RYR2: variants seen among roughly 807,000 people sequenced by gnomAD.
The protein encoded by RYR2 is cardiac muscle ryanodine receptor-calcium release channel.
In RYR2, 227 loss-of-function variants were observed where a neutral mutation model predicts 601.1. That is an observed-to-expected ratio of 0.38 (90% CI 0.34 to 0.42). RYR2 has a LOEUF of 0.42. Ranked by LOEUF, RYR2 falls within the 10% of genes least tolerant of loss-of-function variation. The pLI is 1.00. For synonymous variants in RYR2, 2,223 were observed against 2,175.1 expected (o/e 1.02, Z -0.61); for missense variants, 4,646 against 6,156.5 (o/e 0.75, Z 8.21).
chr1:237,469,008 A>G (rs1660385834), intron 16 of RYR2, 84 bp from the exon 17 acceptor site: 1 of 1,078,834 alleles, frequency 9.3e-7, no homozygotes, highest in East Asian at 2.4e-5. Flanking sequence ...TTCTTGATCC[A>G]ATATTTTAGG....
intron 1 of RYR2, among the ~76,000 whole-genome samples, chr1:237,176,324 A>G (rs1416082338): frequency 6.7e-6 from 1 of 149,374 alleles, no homozygotes; most frequent in Non-Finnish European, 1.5e-5. Context: ...ACTCTGGCAC[A>G]TAGCAAATAT....
intron 23 of RYR2, among the ~76,000 whole-genome samples, chr1:237,508,482 T>C (rs1201312296): frequency 6.7e-6 from 1 of 148,542 alleles, no homozygotes; most frequent in Non-Finnish European, 1.5e-5. Context: ...ACAAACAAAA[T>C]GTAAAACAAA....
At chr1:237,824,378 C>T (rs1364637239) in intron 101 of RYR2, among the ~76,000 whole-genome samples, 1 of 152,142 alleles carries the variant, frequency 6.6e-6, no homozygotes, top group East Asian at 1.9e-4. Context: ...TCAACATACG[C>T]AAATCAATAA....
At chr1:237,153,663 A>T (rs66524717) in intron 1 of RYR2, among the ~76,000 whole-genome samples, 31,689 of 74,652 alleles carry the variant, frequency 0.42, 5,054 homozygotes, top group African/African-American at 0.52. Flanking sequence ...TTTTTTTTTT[A>T]ATTTTCCCAA....
intron 1 of RYR2, among the ~76,000 whole-genome samples, chr1:237,132,057 C>T (rs780506463): frequency 2.6e-5 from 4 of 152,210 alleles, no homozygotes; most frequent in Admixed American, 2.0e-4. Flanking sequence ...TTTCTTCACA[C>T]ACTGAATAGG....
In RYR2 at chr1:237,355,995, T is replaced by G; in HGVS notation, c.294+10T>G. 1 of 1,606,244 alleles carries G rather than the reference T, an allele frequency of 6.2e-7. No homozygotes were observed. The highest frequency in any genetic ancestry group is 1.1e-5 in the South Asian group (1 of 89,726). On this transcript the variant is annotated intron_variant, in intron 4 of 104. Transcript: ENST00000366574. ...TGATGTGGAAAAATGGGTATGTGTTTCCATGTATTTGCAAAGAAATTGTGA... is the reference window on the plus strand; with the variant it reads ...TGATGTGGAAAAATGGGTATGTGTTGCCATGTATTTGCAAAGAAATTGTGA...
intron 12 of RYR2, among the ~76,000 whole-genome samples, chr1:237,433,724 C>T (rs534102640): frequency 6.6e-6 from 1 of 152,228 alleles, no homozygotes; most frequent in East Asian, 1.9e-4. Context: ...ATACTTCTGC[C>T]ACATTTCCCA....
rs567645030 is a variant in RYR2, at chr1:237,725,995, TA to T, written c.10690-276del. Among the ~76,000 whole-genome samples, 190 of 152,200 alleles carry T rather than the reference TA, an allele frequency of 1.2e-3. 2 individuals carry two copies. The highest frequency in any genetic ancestry group is 4.1e-3 in the African/African-American group (172 of 41,552). On this transcript the variant is annotated intron_variant, in intron 74 of 104. Transcript: ENST00000366574. ...TGCTTTTACTTCTATGTTAAAGGCC[TA>T]ACAGTGGTTTATTTCACTTGACACA...
intron 1 of RYR2, among the ~76,000 whole-genome samples, chr1:237,267,274 T>C (rs923236486): frequency 2.0e-5 from 3 of 152,202 alleles, no homozygotes; most frequent in Non-Finnish European, 4.4e-5. Context: ...ATCCTGGCGC[T>C]TTGGGAGGCC....
intron 46 of RYR2, among the ~76,000 whole-genome samples, chr1:237,640,023 A>ACT (rs995917787): frequency 2.0e-5 from 3 of 151,728 alleles, no homozygotes; most frequent in Admixed American, 1.3e-4. Flanking sequence ...CCCACCACAC[A>ACT]CACACACACC....
chr1:237,388,120 T>C lies in RYR2; in HGVS notation c.710T>C (p.Leu237Pro), dbSNP rs1400197755. 7 of 1,613,960 alleles carry C rather than the reference T, an allele frequency of 4.3e-6. No homozygotes were observed. Among genetic ancestry groups the C allele is most frequent in the Non-Finnish European group, 5.9e-6 (7 of 1,179,892 alleles). Reference sequence around the variant, plus strand: ...ATTGGTGGTGATGTCCTCAGGTTGCTGCATGGACACATGGACGAGTGTCTC... The same window carrying C: ...ATTGGTGGTGATGTCCTCAGGTTGCCGCATGGACACATGGACGAGTGTCTC... Reference protein sequence around the residue: ...YLIGGDVLRLLHGHMDECLTV... With the variant: ...YLIGGDVLRLPHGHMDECLTV... Residue 237 changes from leucine to proline, a missense_variant, in exon 10 of 105, where the codon CTG becomes CCG. This residue lies in a region of RYR2 where 87 missense variants were observed against 144.7 expected (regional missense o/e 0.60). Coordinates refer to ENST00000366574, the MANE Select transcript of RYR2 (RefSeq NM_001035.3).
chr1:237,695,541 G>A (rs929146822), intron 63 of RYR2, among the ~76,000 whole-genome samples: 1 of 152,094 alleles, frequency 6.6e-6, no homozygotes, highest in Non-Finnish European at 1.5e-5. Context: ...TAAAAATCCA[G>A]TTGCCACCTG....
intron 4 of RYR2, among the ~76,000 whole-genome samples, 184 bp downstream of exon 4, chr1:237,356,169 T>G (rs908026724): frequency 4.6e-5 from 7 of 152,156 alleles, no homozygotes; most frequent in African/African-American, 1.7e-4. Flanking sequence ...TGGTTTTGCT[T>G]CATCTGAAAT....
chr1:237,515,068 A>T (rs1233487869), intron 24 of RYR2, among the ~76,000 whole-genome samples: 2 of 152,088 alleles, frequency 1.3e-5, no homozygotes, highest in East Asian at 1.9e-4. Context: ...TTTTTTTCTT[A>T]TGTAAATTGT....
chr1:237,379,445 A>G (rs1701276580), intron 8 of RYR2, among the ~76,000 whole-genome samples: 1 of 152,218 alleles, frequency 6.6e-6, no homozygotes, highest in African/African-American at 2.4e-5. Flanking sequence ...GCATAGTGCC[A>G]AGGTTATTGT....
In RYR2 at chr1:237,106,693, C is replaced by G. The variant is rs191985164; in HGVS notation, c.48+64124C>G. ...CTTTTTCAGACATGGCACCTTCGTC[C>G]ATTTGGGCTGCTATAACAAAATGCC... On this transcript the variant is annotated intron_variant, in intron 1 of 104. Coordinates refer to ENST00000366574, the MANE Select transcript of RYR2 (RefSeq NM_001035.3). This position sits in a 1 kb window ranked among gnomAD's most constrained non-coding sequence, Gnocchi z 4.4. Among the ~76,000 whole-genome samples the G allele has an allele frequency of 6.6e-6, 1 of 152,266 alleles. No homozygotes were observed. The highest frequency in any genetic ancestry group is 2.4e-5 in the African/African-American group (1 of 41,570).
chr1:237,727,016 G>C, intron 75 of RYR2, 71 bp from the exon 76 acceptor site: 1 of 806,024 alleles, frequency 1.2e-6, no homozygotes, highest in Non-Finnish European at 2.2e-6. Flanking sequence ...AGATAGTTTG[G>C]GGTGTAAATA....
At chr1:237,540,797 C>G (rs927951371) in intron 25 of RYR2, among the ~76,000 whole-genome samples, 8 of 151,460 alleles carry the variant, frequency 5.3e-5, no homozygotes, top group African/African-American at 1.9e-4. Context: ...CCCAACACAG[C>G]CTTAGCCCTA....
chr1:237,670,090 C>T (rs554279927), intron 58 of RYR2, among the ~76,000 whole-genome samples: 31 of 152,202 alleles, frequency 2.0e-4, no homozygotes, highest in South Asian at 6.2e-4. Flanking sequence ...GGCTGGAGAC[C>T]GGCCTGGCCA....
Sources: gnomAD v4.1 joint callset for allele counts (sites outside exome capture counted in the v4.1 genomes callset) on GRCh38, gnomAD v4.1.1 for gene constraint, gnomAD v4.1.1 regional missense constraint, Gnocchi (gnomAD v3.1) non-coding constraint, MANE v1.5 for transcripts, NCBI Gene and HGNC (gene_info 2026-07-23, HGNC 2026-07-21) for gene names.